Variants in TLR3 observed in about 807,000 individuals in gnomAD.
TLR3 encodes the protein toll like receptor 3, also known as toll-like receptor 3.
A neutral mutation model predicts 66.4 loss-of-function variants in TLR3; 43 were observed. The ratio of observed to expected loss-of-function variants is 0.65; its 90% CI spans 0.51 to 0.83. The LOEUF (loss-of-function observed/expected upper bound fraction) is 0.83, where lower values mean the gene tolerates loss of function less well. TLR3 is among the 40% of genes least tolerant of loss of function. The pLI is 0.00. For synonymous variants in TLR3, 397 were observed against 397.2 expected (o/e 1.00, Z 0.01); for missense variants, 982 against 1,044.6 (o/e 0.94, Z 0.83).
At chr4:186,071,415 A>C (rs946996917) in intron 1 of TLR3, among the ~76,000 whole-genome samples, 3 of 152,176 alleles carry the variant, frequency 2.0e-5, no homozygotes, top group Non-Finnish European at 4.4e-5. Context: ...GTAAATAGAG[A>C]TAGGAAGTTC....
chr4:186,083,027 C>A lies in TLR3; in HGVS notation c.1341C>A (p.Leu447=). The change falls in exon 4 of 5, where the codon CTC becomes CTA. Residue 447 remains leucine, a synonymous_variant. Coordinates refer to ENST00000296795, the MANE Select transcript of TLR3 (RefSeq NM_003265.3). The surrounding 1 kb of genome is among the most constrained non-coding windows in gnomAD (Gnocchi z 4.0). ...DLGLNEIGQE[L]TGQEWRGLEN... ...GCCTTAATGAAATTGGGCAAGAACT[C>A]ACAGGCCAGGAATGGAGAGGTCTAG... is the stretch of plus-strand genomic sequence containing the variant. 3 of 1,614,172 alleles carry A rather than the reference C, an allele frequency of 1.9e-6. No individual in the cohort carries two copies. Among genetic ancestry groups the A allele is most frequent in the Non-Finnish European group, 2.5e-6 (3 of 1,180,030 alleles).
rs1262559851 is a variant in TLR3 at position 186,081,228 on chromosome 4, C to T, written c.634-1092C>T. Reference sequence around the variant, plus strand: ...GGGTTGCAGGGAGCTGAGATCGCACCACTGCACTCCACCCTGGGGGACAGA... The same window carrying T: ...GGGTTGCAGGGAGCTGAGATCGCACTACTGCACTCCACCCTGGGGGACAGA... On this transcript the variant is annotated intron_variant, in intron 3 of 4. Transcript: ENST00000296795. Among the ~76,000 whole-genome samples the T allele has an allele frequency of 3.3e-5, 5 of 150,738 alleles. No homozygotes were observed. The East Asian group carries it at 9.9e-4, about 30-fold the overall frequency.
At chr4:186,078,021 G>A (rs892815245) in intron 2 of TLR3, among the ~76,000 whole-genome samples, 1 of 152,136 alleles carries the variant, frequency 6.6e-6, no homozygotes, top group African/African-American at 2.4e-5. Context: ...TTGCTCCCTA[G>A]CTATTTTAAA....
intron 1 of TLR3, among the ~76,000 whole-genome samples, chr4:186,070,131 TA>T (rs1440583658): frequency 6.6e-6 from 1 of 152,222 alleles, no homozygotes; most frequent in African/African-American, 2.4e-5. Flanking sequence ...AGTCTCTTTT[TA>T]ATTTTTTTTC....
In TLR3 at chr4:186,083,353, A is replaced by T; in HGVS notation, c.1667A>T (p.Tyr556Phe). Residue 556 changes from tyrosine (Y) to phenylalanine (F), a missense_variant, in exon 4 of 5, where the codon TAT becomes TTT. By Grantham distance (22) the Tyr-to-Phe change is conservative (BLOSUM62 3). Transcript: ENST00000296795. The surrounding 1 kb of genome is among the most constrained non-coding windows in gnomAD (Gnocchi z 4.0). ...WKHANPGGPI[Y>F]FLKGLSHLHI... ...CACGCAAACCCTGGTGGTCCCATTT[A>T]TTTCCTAAAGGGTCTGTCTCACCTC... The T allele has an allele frequency of 3.7e-6, 6 of 1,614,150 alleles. No individual in the cohort carries two copies. The highest frequency in any genetic ancestry group is 5.1e-6 in the Non-Finnish European group (6 of 1,180,024).
rs922011821 is a variant in TLR3, at chr4:186,086,009, A to G, written c.*1136A>G. 6.6e-6 allele frequency: 1 copy of G among 152,152 alleles called. No individual in the cohort carries two copies. Among genetic ancestry groups the G allele is most frequent in the Non-Finnish European group, 1.5e-5 (1 of 68,064 alleles). 9.4% of individuals were successfully genotyped at this position (152,152 alleles called of 1,614,324 possible). On this transcript the variant is annotated 3_prime_UTR_variant, in exon 5 of 5. Coordinates refer to ENST00000296795, the MANE Select transcript of TLR3 (RefSeq NM_003265.3). ...CACCCGAGTAGCTGGGATTACAGGCACATGCCACCATGCCTGGCTAATTTT... is the reference window on the plus strand; with the variant it reads ...CACCCGAGTAGCTGGGATTACAGGCGCATGCCACCATGCCTGGCTAATTTT...
chr4:186,084,855 C>T lies in TLR3; in HGVS notation c.2697C>T (p.Ser899=). The T allele has an allele frequency of 6.2e-7, 1 of 1,613,034 alleles. No individual in the cohort carries two copies. Among genetic ancestry groups the T allele is most frequent in the East Asian group, 2.2e-5 (1 of 44,854 alleles). ...FRHKLQVALG[S]KNSVH ...ATAAATTGCAAGTAGCACTTGGATC[C>T]AAAAACTCTGTACATTAAATTTATT... The change falls in exon 5 of 5, where the codon TCC becomes TCT. Residue 899 remains serine (S), a synonymous_variant. Transcript: ENST00000296795.
Position 186,082,399 on chromosome 4 carries a change from C to A in TLR3, c.713C>A (p.Thr238Lys). ...AATGTCCAGCTGGGTCCCAGCCTTACAGAGAAGCTATGTTTGGAATTAGCA... is the reference window on the plus strand; with the variant it reads ...AATGTCCAGCTGGGTCCCAGCCTTAAAGAGAAGCTATGTTTGGAATTAGCA... ...LNNVQLGPSLTEKLCLELANT... is the reference protein window; with the variant it reads ...LNNVQLGPSLKEKLCLELANT... Residue 238 changes from threonine to lysine, a missense_variant, in exon 4 of 5, where the codon ACA becomes AAA. By Grantham distance (78) the Thr-to-Lys change is moderately conservative. Around this residue, in one of 3 missense-constraint regions of TLR3, gnomAD observed 313 missense variants for 319.0 expected, o/e 0.98. Transcript: ENST00000296795. 6.2e-7 allele frequency: 1 copy of A among 1,614,040 alleles called. No individual in the cohort carries two copies. Among genetic ancestry groups the A allele is most frequent in the Non-Finnish European group, 8.5e-7 (1 of 1,180,024 alleles).
chr4:186,080,727 G>A (rs1425840847), intron 3 of TLR3, among the ~76,000 whole-genome samples: 1 of 152,104 alleles, frequency 6.6e-6, no homozygotes, highest in Non-Finnish European at 1.5e-5. Context: ...GAGTAGCTGG[G>A]ATTACAAGTG....
intron 3 of TLR3, chr4:186,082,086 G>C (rs2099303590): frequency 1.9e-6 from 1 of 526,672 alleles, no homozygotes; most frequent in Non-Finnish European, 3.3e-6. Context: ...TTAGCTGGAC[G>C]TGGTGGCGCA....
Position 186,087,139 on chromosome 4 carries a change from T to C in TLR3, c.*2266T>C, listed in dbSNP as rs2099304489. ...ACTTGGTGGTAGAATGTTGGGATTT[T>C]TCCATTTGATTGAGTTCTAGGAAGC... On this transcript the variant is annotated 3_prime_UTR_variant, in exon 5 of 5. Transcript: ENST00000296795. 1 of 152,200 alleles carries C rather than the reference T, an allele frequency of 6.6e-6. No individual in the cohort carries two copies. Among genetic ancestry groups the C allele is most frequent in the Admixed American group, 6.5e-5 (1 of 15,282 alleles). The allele number at this position is 152,200 out of a possible 1,614,324, so 9.4% of individuals were successfully genotyped here.
rs376948186 is a variant in TLR3, at chr4:186,075,905, C to A, written c.-7-708C>A. Among the ~76,000 whole-genome samples, 5 of 152,178 alleles carry A rather than the reference C, an allele frequency of 3.3e-5. No homozygotes were observed. The East Asian group carries it at 7.7e-4, about 23-fold the overall frequency. ...GCACGGTGGCTCACGCCTGTAATCC[C>A]AGCACTTTGGGAGGCTGAAGTGGGC... On this transcript the variant is annotated intron_variant, in intron 1 of 4. Coordinates refer to ENST00000296795, the MANE Select transcript of TLR3 (RefSeq NM_003265.3).
chr4:186,085,700 TATG>T lies in TLR3; in HGVS notation c.*830_*832del, dbSNP rs1490672447. 6.6e-6 allele frequency: 1 copy of T among 152,226 alleles called. No individual in the cohort carries two copies. The highest frequency in any genetic ancestry group is 1.5e-5 in the Non-Finnish European group (1 of 68,048). 9.4% of individuals were successfully genotyped at this position (152,226 alleles called of 1,614,324 possible). On this transcript the variant is annotated 3_prime_UTR_variant, in exon 5 of 5. Coordinates refer to ENST00000296795, the MANE Select transcript of TLR3 (RefSeq NM_003265.3). The stretch of plus-strand genomic sequence containing the variant: ...TTCTTTGACTCCTGATCTTGAAAAT[TATG>T]ATAATAAATGCATCTTAGATATTCC...
rs1274218962 is a variant in TLR3, at chr4:186,082,723, TTGA to T, written c.1042_1044del (p.Asp348del). The T allele has an allele frequency of 1.2e-6, 2 of 1,614,064 alleles. No individual in the cohort carries two copies. Among genetic ancestry groups the T allele is most frequent in the South Asian group, 2.2e-5 (2 of 91,080 alleles). ...ATTTCCCTTGCCTCACTCCCCAAGA[TTGA>T]TGATTTTTCTTTTCAGTGGCTAAAA... On this transcript the variant is annotated inframe_deletion, in exon 4 of 5. Transcript: ENST00000296795.
rs749653770 is a variant in TLR3, at chr4:186,076,875, A to G, written c.256A>G (p.Thr86Ala). 3.3e-5 allele frequency: 54 copies of G among 1,614,070 alleles called. No homozygotes were observed. Among genetic ancestry groups the G allele is most frequent in the Non-Finnish European group, 4.5e-5 (53 of 1,180,044 alleles). Reference sequence around the variant, plus strand: ...AACTAGCTTGGATGTAGGATTTAACACCATCTCAAAACTGGAGCCAGAATT... The same window carrying G: ...AACTAGCTTGGATGTAGGATTTAACGCCATCTCAAAACTGGAGCCAGAATT... ...QLTSLDVGFN[T>A]ISKLEPELCQ... The change falls in exon 2 of 5, where the codon ACC becomes GCC. Residue 86 changes from threonine to alanine, a missense_variant. Thr to Ala is a moderately conservative substitution (Grantham distance 58). This residue lies in a region of TLR3 where 313 missense variants were observed against 319.0 expected (regional missense o/e 0.98). Transcript: ENST00000296795.
In TLR3 at chr4:186,083,436, G is replaced by T. The variant is rs2099303862; in HGVS notation, c.1750G>T (p.Asp584Tyr). The change falls in exon 4 of 5, where the codon GAT becomes TAT. Residue 584 changes from aspartate (D) to tyrosine (Y), a missense_variant. By Grantham distance (160) the Asp-to-Tyr change is radical. Coordinates refer to ENST00000296795, the MANE Select transcript of TLR3 (RefSeq NM_003265.3). The surrounding 1 kb of genome is among the most constrained non-coding windows in gnomAD (Gnocchi z 4.0). ...FDEIPVEVFK[D>Y]LFELKIIDLG... is the part of the protein sequence containing the mutation. ...CGAGATCCCAGTTGAGGTCTTCAAG[G>T]ATTTATTTGAACTAAAGATCATCGA... 1 of 1,612,710 alleles carries T rather than the reference G, an allele frequency of 6.2e-7. No individual in the cohort carries two copies. Among genetic ancestry groups the T allele is most frequent in the Non-Finnish European group, 8.5e-7 (1 of 1,179,316 alleles).
intron 2 of TLR3, among the ~76,000 whole-genome samples, chr4:186,078,356 AT>A (rs1205866396): frequency 6.6e-6 from 1 of 152,186 alleles, no homozygotes; most frequent in African/African-American, 2.4e-5. Context: ...CTTTCTCAGT[AT>A]AAAAATCTAT....
At chr4:186,084,594 T>C in intron 4 of TLR3, 51 bp from the exon 5 acceptor site, 16 of 1,231,398 alleles carry the variant, frequency 1.3e-5, no homozygotes, top group Non-Finnish European at 1.9e-5. Context: ...TAGTATTGCT[T>C]CTGGCTGTTA....
chr4:186,079,791 A>C lies in TLR3; in HGVS notation c.633+760A>C, dbSNP rs1040205634. On this transcript the variant is annotated intron_variant, in intron 3 of 4. Coordinates refer to ENST00000296795, the MANE Select transcript of TLR3 (RefSeq NM_003265.3). ...GGCACATTTATTCGTGAAAGTAGGA[A>C]ACTACATTGCGAGAAGGCAACGGGC... Among the ~76,000 whole-genome samples, 16 of 152,180 alleles carry C rather than the reference A, an allele frequency of 1.1e-4. 1 individual carries two copies. Among genetic ancestry groups the C allele is most frequent in the African/African-American group, 3.9e-4 (16 of 41,438 alleles).
Sources: allele counts gnomAD v4.1 joint callset (sites outside exome capture counted in the v4.1 genomes callset), GRCh38; gene constraint gnomAD v4.1.1; regional missense constraint gnomAD v4.1.1; non-coding constraint Gnocchi (gnomAD v3.1); transcripts MANE v1.5; gene names NCBI Gene and HGNC (gene_info 2026-07-23, HGNC 2026-07-21).